Variants in PDCL2 observed in about 807,000 individuals in gnomAD.
PDCL2 encodes the protein phosducin-like protein 2.
Under a neutral mutation model 30.3 loss-of-function variants are expected in PDCL2, and 23 were observed. That is an observed-to-expected ratio of 0.76 (90% confidence interval 0.55 to 1.08). The LOEUF is 1.08. Ranked by LOEUF, PDCL2 falls within the 50% of genes least tolerant of loss-of-function variation. The pLI is 0.00. For missense variants in PDCL2, 243 were observed against 282.3 expected (o/e 0.86, Z 1.00); for synonymous variants, 68 against 86.2 (o/e 0.79, Z 1.17).
rs78720802 is a variant in PDCL2 at position 55,562,684 on chromosome 4, A to G, written c.363-72T>C. ...ATCTCAGTCTAATGAAATAAGTAAA[A>G]TATCGCCATGGCAAAAATATATCTT... is the stretch of plus-strand genomic sequence containing the variant. On this transcript the variant is annotated intron_variant, in intron 4 of 5. Transcript: ENST00000295645. The G allele has an allele frequency of 4.6e-3, 4,718 of 1,020,652 alleles. 155 individuals carry two copies. The East Asian group carries it at 0.089, about 19-fold the overall frequency. The allele number at this position is 1,020,652 out of a possible 1,614,324, so 63.2% of individuals were successfully genotyped here.
intron 2 of PDCL2, among the ~76,000 whole-genome samples, 190 bp from the exon 3 acceptor site, chr4:55,581,101 C>G (rs1732698126): frequency 6.6e-6 from 1 of 152,082 alleles, no homozygotes; most frequent in South Asian, 2.1e-4. Flanking sequence ...TCAAGACCAA[C>G]CTGGCCAACA....
intron 3 of PDCL2, among the ~76,000 whole-genome samples, chr4:55,572,845 C>T (rs1316240072): frequency 2.0e-5 from 3 of 151,842 alleles, no homozygotes; most frequent in Non-Finnish European, 4.4e-5. Context: ...CTGTAAGCTC[C>T]GCCTCCCGGG....
At chr4:55,589,546 C>A (rs1056529007) in intron 1 of PDCL2, among the ~76,000 whole-genome samples, 3 of 152,156 alleles carry the variant, frequency 2.0e-5, no homozygotes, top group Non-Finnish European at 4.4e-5. Context: ...CCAATAAGCA[C>A]CAAGATATCC....
intron 5 of PDCL2, among the ~76,000 whole-genome samples, chr4:55,561,925 G>T (rs960725318): frequency 6.6e-6 from 1 of 152,110 alleles, no homozygotes; most frequent in Non-Finnish European, 1.5e-5. Flanking sequence ...AGAAGAAAAA[G>T]ATTACGAATT....
intron 2 of PDCL2, 90 bp downstream of exon 2, chr4:55,582,027 G>A (rs1316613058): frequency 1.1e-5 from 16 of 1,523,626 alleles, no homozygotes; most frequent in Middle Eastern, 2.4e-4. Context: ...GATTTCTAAT[G>A]TCCTCTCTCC....
At chr4:55,576,386 C>A (rs942485795) in intron 3 of PDCL2, among the ~76,000 whole-genome samples, 1 of 152,332 alleles carries the variant, frequency 6.6e-6, no homozygotes, top group Non-Finnish European at 1.5e-5. Flanking sequence ...AGCCATCATG[C>A]CTGGCCTAGA....
intron 1 of PDCL2, among the ~76,000 whole-genome samples, chr4:55,591,146 G>A (rs1732987687): frequency 1.3e-5 from 2 of 152,118 alleles, no homozygotes; most frequent in Non-Finnish European, 2.9e-5. Context: ...TGTAACTGAT[G>A]TTCAAAATAT....
chr4:55,557,039 T>A (rs534421755), intron 5 of PDCL2, among the ~76,000 whole-genome samples: 9 of 152,258 alleles, frequency 5.9e-5, no homozygotes, highest in African/African-American at 2.2e-4. Flanking sequence ...GGTTTCACCA[T>A]GTTGGCCAGG....
At chr4:55,570,311 C>A (rs13144598) in intron 3 of PDCL2, among the ~76,000 whole-genome samples, 1 of 151,872 alleles carries the variant, frequency 6.6e-6, no homozygotes, top group Non-Finnish European at 1.5e-5. Flanking sequence ...TATTATTATC[C>A]CCATTTAAAT....
At chr4:55,564,143 A>G (rs1440893284) in intron 4 of PDCL2, among the ~76,000 whole-genome samples, 3 of 152,238 alleles carry the variant, frequency 2.0e-5, no homozygotes, top group Non-Finnish European at 4.4e-5. Flanking sequence ...AAATGAGTCC[A>G]CTAATATCTA....
intron 2 of PDCL2, among the ~76,000 whole-genome samples, chr4:55,581,579 G>A (rs776290576): frequency 1.6e-4 from 24 of 152,264 alleles, no homozygotes; most frequent in Non-Finnish European, 2.6e-4. Context: ...AGCTCACTTG[G>A]TTACACACCA....
chr4:55,563,842 T>C lies in PDCL2; in HGVS notation c.363-1230A>G, dbSNP rs192770420. The stretch of plus-strand genomic sequence containing the variant: ...GGATAGCAAAAGTGGTGTTGTTATG[T>C]AGATGAAACCTTACAGGTAGCAGCC... On this transcript the variant is annotated intron_variant, in intron 4 of 5. Transcript: ENST00000295645. Among the ~76,000 whole-genome samples the C allele has an allele frequency of 3.3e-3, 507 of 152,282 alleles. 2 individuals are homozygous for C. Among genetic ancestry groups the C allele is most frequent in the African/African-American group, 0.011 (466 of 41,546 alleles).
At chr4:55,569,645 T>A in intron 4 of PDCL2, 73 bp downstream of exon 4, 1 of 1,223,328 alleles carries the variant, frequency 8.2e-7, no homozygotes, top group East Asian at 2.6e-5. Flanking sequence ...ATATACTTTG[T>A]AAAACCTTAA....
At chr4:55,564,216 A>G (rs1234159023) in intron 4 of PDCL2, among the ~76,000 whole-genome samples, 2 of 152,214 alleles carry the variant, frequency 1.3e-5, no homozygotes, top group Non-Finnish European at 2.9e-5. Context: ...AGTCAGTGGT[A>G]CAACAGATAT....
At chr4:55,558,380 G>A (rs1732038829) in intron 5 of PDCL2, among the ~76,000 whole-genome samples, 1 of 152,056 alleles carries the variant, frequency 6.6e-6, no homozygotes, top group African/African-American at 2.4e-5. Flanking sequence ...TTTATAAGGG[G>A]CTTTTTCCCC....
intron 1 of PDCL2, among the ~76,000 whole-genome samples, chr4:55,583,583 T>C (rs79644921): frequency 0.034 from 5,160 of 152,308 alleles, 106 homozygotes; most frequent in Non-Finnish European, 0.054. Context: ...CCATTTTTAG[T>C]TGATTTTTAT....
chr4:55,558,709 A>G (rs1732048567), intron 5 of PDCL2, among the ~76,000 whole-genome samples: 1 of 152,248 alleles, frequency 6.6e-6, no homozygotes, highest in Admixed American at 6.5e-5. Flanking sequence ...GGGAATACAG[A>G]AAGCTTTTCA....
In PDCL2 at chr4:55,562,464, G is replaced by C. The variant is rs780924254; in HGVS notation, c.511C>G (p.Gln171Glu). 6.5e-7 allele frequency: 1 copy of C among 1,538,758 alleles called. No individual in the cohort carries two copies. The highest frequency in any genetic ancestry group is 1.3e-5 in the South Asian group (1 of 78,502). The change falls in exon 5 of 6, where the codon CAG becomes GAG. Residue 171 changes from glutamine to glutamate, a missense_variant. Coordinates refer to ENST00000295645, the MANE Select transcript of PDCL2 (RefSeq NM_152401.3). ...LPTIFVYKNGQIEAKFIGIIE... is the reference protein window; with the variant it reads ...LPTIFVYKNGEIEAKFIGIIE... ...ATTCCAATGAATTTGGCTTCTATCTGACCATTTTTATACACAAAAATTGTT... is the reference window on the plus strand; with the variant it reads ...ATTCCAATGAATTTGGCTTCTATCTCACCATTTTTATACACAAAAATTGTT...
intron 1 of PDCL2, among the ~76,000 whole-genome samples, chr4:55,586,230 T>C (rs1293094574): frequency 6.6e-6 from 1 of 152,226 alleles, no homozygotes; most frequent in African/African-American, 2.4e-5. Flanking sequence ...GGTTGTTCAG[T>C]AGCATGTTGT....
Sources: allele counts gnomAD v4.1 joint callset (sites outside exome capture counted in the v4.1 genomes callset), GRCh38; gene constraint gnomAD v4.1.1; transcripts MANE v1.5; gene names NCBI Gene and HGNC (gene_info 2026-07-23, HGNC 2026-07-21).